Variants in TMPRSS4 observed in about 807,000 individuals in gnomAD.
TMPRSS4 encodes transmembrane protease serine 4.
Under a neutral mutation model 56.4 loss-of-function variants are expected in TMPRSS4, and 45 were observed. The ratio of observed to expected loss-of-function variants is 0.80; its 90% CI spans 0.63 to 1.02. TMPRSS4 has a LOEUF of 1.02. Ranked by LOEUF, TMPRSS4 falls within the 50% of genes least tolerant of loss-of-function variation. The pLI is 0.00. For missense variants in TMPRSS4, 546 were observed against 556.7 expected (o/e 0.98, Z 0.19); for synonymous variants, 205 against 211.0 (o/e 0.97, Z 0.25).
At chr11:118,080,170 G>A (rs1945013264) in intron 1 of TMPRSS4, among the ~76,000 whole-genome samples, 1 of 152,164 alleles carries the variant, frequency 6.6e-6, no homozygotes, top group Admixed American at 6.5e-5. Flanking sequence ...TGGTTACAAG[G>A]TACCCCTGGA....
chr11:118,094,596 T>G (rs780384741), intron 1 of TMPRSS4, among the ~76,000 whole-genome samples: 1 of 152,232 alleles, frequency 6.6e-6, no homozygotes, highest in Non-Finnish European at 1.5e-5. Flanking sequence ...GCTAACCAGT[T>G]GCTACTAGTT....
At chr11:118,109,927 A>G (rs1947190958) in intron 7 of TMPRSS4, among the ~76,000 whole-genome samples, 1 of 152,232 alleles carries the variant, frequency 6.6e-6, no homozygotes, top group Non-Finnish European at 1.5e-5. Flanking sequence ...GAGGTTCTGC[A>G]CTGAGTAGCC....
intron 8 of TMPRSS4, 26 bp from the exon 9 acceptor site, chr11:118,113,243 C>T (rs761729335): frequency 1.9e-6 from 3 of 1,609,386 alleles, no homozygotes; most frequent in Non-Finnish European, 1.7e-6. Flanking sequence ...TGGATCAGGC[C>T]TGAACCCAGC....
At chr11:118,108,005 C>T (rs555335275) in intron 6 of TMPRSS4, 130 bp downstream of exon 6, 8 of 676,736 alleles carry the variant, frequency 1.2e-5, no homozygotes, top group Non-Finnish European at 2.0e-5. Flanking sequence ...GAACTCCTAG[C>T]CAGATGGATC....
intron 2 of TMPRSS4, chr11:118,095,338 C>T (rs1946226781): frequency 6.1e-6 from 1 of 164,586 alleles, no homozygotes; most frequent in East Asian, 1.6e-4. Context: ...AGGTATTTTT[C>T]TTCCATTACA....
intron 5 of TMPRSS4, 118 bp from the exon 6 acceptor site, chr11:118,107,656 C>G (rs954672408): frequency 2.5e-6 from 2 of 784,332 alleles, no homozygotes; most frequent in African/African-American, 1.7e-5. Flanking sequence ...CACTCCCTGG[C>G]CACTCCCCAC....
chr11:118,082,680 A>G (rs907605325), intron 1 of TMPRSS4, among the ~76,000 whole-genome samples: 1 of 152,220 alleles, frequency 6.6e-6, no homozygotes, highest in Admixed American at 6.5e-5. Flanking sequence ...TTTCAAGAAG[A>G]CTAAACTAAA....
chr11:118,084,540 C>G (rs1250655007), intron 1 of TMPRSS4, among the ~76,000 whole-genome samples: 2 of 152,218 alleles, frequency 1.3e-5, no homozygotes, highest in Non-Finnish European at 2.9e-5. Flanking sequence ...GCCACACCAG[C>G]CCAGCAAGGC....
At chr11:118,107,747 A>G (rs913995627) in intron 5 of TMPRSS4, 27 bp from the exon 6 acceptor site, 9 of 1,603,252 alleles carry the variant, frequency 5.6e-6, no homozygotes, top group African/African-American at 2.7e-5. Flanking sequence ...CCAGCTCACA[A>G]CTCTCTCTCC....
chr11:118,081,909 C>T (rs1390404955), intron 1 of TMPRSS4, among the ~76,000 whole-genome samples: 1 of 152,180 alleles, frequency 6.6e-6, no homozygotes, highest in African/African-American at 2.4e-5. Flanking sequence ...ACTGCTTTCC[C>T]ACACTCCAGA....
intron 1 of TMPRSS4, among the ~76,000 whole-genome samples, chr11:118,090,770 T>C (rs930004588): frequency 6.7e-6 from 1 of 149,012 alleles, no homozygotes; most frequent in Non-Finnish European, 1.5e-5. Context: ...AGAATGAGAC[T>C]CTGTCTCTCT....
intron 1 of TMPRSS4, among the ~76,000 whole-genome samples, chr11:118,091,212 T>G (rs1336341531): frequency 1.3e-5 from 2 of 152,160 alleles, no homozygotes; most frequent in Non-Finnish European, 2.9e-5. Context: ...TCCAAACACA[T>G]TTGGCGTCTT....
At chr11:118,083,455 G>C (rs1021302913) in intron 1 of TMPRSS4, among the ~76,000 whole-genome samples, 2 of 152,084 alleles carry the variant, frequency 1.3e-5, no homozygotes, top group African/African-American at 4.8e-5. Flanking sequence ...CTGAAGCCAA[G>C]CCCCGGGGCC....
chr11:118,118,094 C>T lies in TMPRSS4; in HGVS notation c.*181C>T, dbSNP rs1464254171. On this transcript the variant is annotated 3_prime_UTR_variant, in exon 13 of 13. Transcript: ENST00000437212. ...ATAAGAGACCCTCGCAGCCCAGAGG[C>T]GCCCAGAGGAAGTCAGCAGCCCTAG... 34 of 1,442,468 alleles carry T rather than the reference C, an allele frequency of 2.4e-5. No individual in the cohort carries two copies. Among genetic ancestry groups the T allele is most frequent in the Admixed American group, 5.5e-5 (2 of 36,152 alleles). The allele number at this position is 1,442,468 out of a possible 1,614,324, so 89.4% of individuals were successfully genotyped here.
chr11:118,110,313 C>A (rs1179196897), intron 7 of TMPRSS4, among the ~76,000 whole-genome samples: 1 of 151,448 alleles, frequency 6.6e-6, no homozygotes, highest in Admixed American at 6.6e-5. Context: ...TTCCGCAAAC[C>A]AAGAGGGGGA....
chr11:118,081,053 C>T (rs141210572), intron 1 of TMPRSS4, among the ~76,000 whole-genome samples: 1 of 152,310 alleles, frequency 6.6e-6, no homozygotes, highest in East Asian at 1.9e-4. Context: ...AGCCGCAAAC[C>T]TAGCACAGGG....
In TMPRSS4 at chr11:118,077,213, C is replaced by G. The variant is rs1944724660; in HGVS notation, c.-90C>G. On this transcript the variant is annotated 5_prime_UTR_variant, in exon 1 of 13. Transcript: ENST00000437212. The stretch of plus-strand genomic sequence containing the variant: ...AGGGACTTCTGACCTGCTGGCCAGC[C>G]AGGACCTGTGTGGGGAGGCCCTCCT... The G allele has an allele frequency of 2.0e-6, 3 of 1,532,562 alleles. No homozygotes were observed. The highest frequency in any genetic ancestry group is 2.7e-6 in the Non-Finnish European group (3 of 1,129,302). The allele number at this position is 1,532,562 out of a possible 1,614,324, so 94.9% of individuals were successfully genotyped here. A position where few individuals can be genotyped will look rare whatever the true frequency, so the allele number is the denominator to read the frequency against.
At chr11:118,097,354 C>T (rs189328096) in intron 2 of TMPRSS4, among the ~76,000 whole-genome samples, 6 of 152,076 alleles carry the variant, frequency 3.9e-5, no homozygotes, top group Non-Finnish European at 8.8e-5. Flanking sequence ...GGTTGGAAGG[C>T]TGCATTTTAA....
At chr11:118,093,396 C>T (rs936660688) in intron 1 of TMPRSS4, among the ~76,000 whole-genome samples, 2 of 152,194 alleles carry the variant, frequency 1.3e-5, no homozygotes, top group African/African-American at 4.8e-5. Flanking sequence ...CACAATAGGG[C>T]AGGCGAGTCC....
Sources: gnomAD v4.1 joint callset for allele counts (sites outside exome capture counted in the v4.1 genomes callset) on GRCh38, gnomAD v4.1.1 for gene constraint, MANE v1.5 for transcripts, NCBI Gene and HGNC (gene_info 2026-07-23, HGNC 2026-07-21) for gene names.